UST: variants seen among roughly 807,000 people sequenced by gnomAD.
UST encodes the protein uronyl 2-sulfotransferase, also known as chondroitin sulfate 2-O-sulfotransferase.
A neutral mutation model predicts 45.6 loss-of-function variants in UST; 21 were observed. That is an observed-to-expected ratio of 0.46 (90% CI 0.33 to 0.66). The LOEUF (loss-of-function observed/expected upper bound fraction) is 0.66, where lower values mean the gene tolerates loss of function less well. Among genes scored for constraint, UST ranks in the 30% least tolerant of loss-of-function variants. The pLI is 0.02. For missense variants in UST, 463 were observed against 512.4 expected (o/e 0.90, Z 0.93); for synonymous variants, 215 against 200.6 (o/e 1.07, Z -0.61).
chr6:148,776,454 G>T (rs1776536784), intron 1 of UST, among the ~76,000 whole-genome samples: 1 of 152,296 alleles, frequency 6.6e-6, no homozygotes, highest in Non-Finnish European at 1.5e-5. Context: ...TTATTGTGAT[G>T]ACCAGTTTTG....
intron 5 of UST, among the ~76,000 whole-genome samples, chr6:149,016,052 C>T (rs62426149): frequency 0.041 from 6,309 of 152,260 alleles, 167 homozygotes; most frequent in Non-Finnish European, 0.06. Flanking sequence ...CCTGGGGCTT[C>T]TCAGCTCATT....
chr6:148,992,352 A>G (rs1781370660), intron 5 of UST, among the ~76,000 whole-genome samples: 2 of 152,130 alleles, frequency 1.3e-5, no homozygotes, highest in Admixed American at 1.3e-4. Flanking sequence ...AAAATACAAA[A>G]AAAATTAGCC....
At chr6:148,930,195 C>G (rs1779894140) in intron 2 of UST, among the ~76,000 whole-genome samples, 1 of 152,210 alleles carries the variant, frequency 6.6e-6, no homozygotes, top group South Asian at 2.1e-4. Context: ...GCGCTTACCA[C>G]ATGGTATCAG....
At chr6:148,779,594 G>A (rs1006505028) in intron 1 of UST, among the ~76,000 whole-genome samples, 1 of 152,216 alleles carries the variant, frequency 6.6e-6, no homozygotes, top group Non-Finnish European at 1.5e-5. Flanking sequence ...TCCACGGGAT[G>A]TCGTAAGGAC....
chr6:148,793,674 C>T (rs183355654), intron 1 of UST, among the ~76,000 whole-genome samples: 229 of 152,280 alleles, frequency 1.5e-3, no homozygotes, highest in African/African-American at 5.3e-3. Context: ...ACTTTTTCAG[C>T]TCCATTATCA....
chr6:148,894,658 T>G (rs1007739351), intron 2 of UST, among the ~76,000 whole-genome samples: 3 of 152,312 alleles, frequency 2.0e-5, no homozygotes, highest in South Asian at 2.1e-4. Flanking sequence ...TTTGTGGTAC[T>G]TTGTTACAGC....
chr6:148,799,543 A>G (rs1777017301), intron 1 of UST, among the ~76,000 whole-genome samples: 2 of 152,076 alleles, frequency 1.3e-5, no homozygotes, highest in African/African-American at 4.8e-5. Flanking sequence ...CAGGGAATGT[A>G]TTTGCATCCC....
intron 1 of UST, among the ~76,000 whole-genome samples, chr6:148,801,909 G>A (rs1030995613): frequency 6.6e-6 from 1 of 152,134 alleles, no homozygotes; most frequent in African/African-American, 2.4e-5. Flanking sequence ...TGAAGATTTG[G>A]GTTAAAGTAC....
At chr6:148,930,556 G>A (rs1258114048) in intron 2 of UST, among the ~76,000 whole-genome samples, 1 of 152,186 alleles carries the variant, frequency 6.6e-6, no homozygotes, top group Non-Finnish European at 1.5e-5. Flanking sequence ...CTTCCTGGAA[G>A]CTAGCCTAAG....
At chr6:149,072,460 C>A (rs1481986116) in intron 7 of UST, among the ~76,000 whole-genome samples, 4 of 151,984 alleles carry the variant, frequency 2.6e-5, no homozygotes, top group African/African-American at 9.7e-5. Flanking sequence ...TCGAGACCAG[C>A]CTGACCAACA....
chr6:148,858,198 G>A (rs2114795852), intron 1 of UST, among the ~76,000 whole-genome samples: 1 of 152,284 alleles, frequency 6.6e-6, no homozygotes, highest in African/African-American at 2.4e-5. Context: ...TGCAAGCTGA[G>A]GAACAGGGAA....
In UST at chr6:148,801,505, T is replaced by A. The variant is rs539827791; in HGVS notation, c.247+53828T>A. Among the ~76,000 whole-genome samples the A allele has an allele frequency of 1.4e-3, 208 of 152,308 alleles. 1 individual carries two copies. The highest frequency in any genetic ancestry group is 4.8e-3 in the African/African-American group (199 of 41,570). ...ATTTTTCTTTTTTCTTTCTTTCTTT[T>A]TCTACCCAGAGCCCATAATGAGGCC... On this transcript the variant is annotated intron_variant, in intron 1 of 7. Coordinates refer to ENST00000367463, the MANE Select transcript of UST (RefSeq NM_005715.3).
intron 1 of UST, among the ~76,000 whole-genome samples, chr6:148,828,430 T>C (rs1777613816): frequency 6.6e-6 from 1 of 152,116 alleles, no homozygotes; most frequent in Non-Finnish European, 1.5e-5. Flanking sequence ...AGTATAATAT[T>C]TTGGGAAAAT....
At chr6:149,070,192 A>G (rs1776798858) in intron 7 of UST, among the ~76,000 whole-genome samples, 2 of 152,214 alleles carry the variant, frequency 1.3e-5, no homozygotes, top group Admixed American at 6.5e-5. Context: ...GAGGCTTTCA[A>G]TGAGAGAATT....
At chr6:148,779,475 G>A (rs1171209158) in intron 1 of UST, among the ~76,000 whole-genome samples, 1 of 152,212 alleles carries the variant, frequency 6.6e-6, no homozygotes, top group African/African-American at 2.4e-5. Flanking sequence ...TGACACCCAT[G>A]AACTTGCTGA....
At chr6:149,036,571 A>T (rs1007341280) in intron 7 of UST, among the ~76,000 whole-genome samples, 15 of 152,208 alleles carry the variant, frequency 9.9e-5, no homozygotes, top group African/African-American at 3.6e-4. Flanking sequence ...GGAATGTTCT[A>T]ACTACCTGAA....
rs557830929 is a variant in UST, at chr6:148,974,620, C to T, written c.681+10057C>T. Among the ~76,000 whole-genome samples the T allele has an allele frequency of 3.9e-5, 6 of 152,288 alleles. No individual in the cohort carries two copies. The South Asian group carries it at 1.2e-3, about 32-fold the overall frequency. On this transcript the variant is annotated intron_variant, in intron 5 of 7. Coordinates refer to ENST00000367463, the MANE Select transcript of UST (RefSeq NM_005715.3). ...ATCACACAGCCTCTAGAACAAACCG[C>T]TTTTTCTCTGATCCTAAACCCATGC...
chr6:148,867,768 T>G (rs1449656271), intron 1 of UST, among the ~76,000 whole-genome samples: 2 of 152,200 alleles, frequency 1.3e-5, no homozygotes, highest in Non-Finnish European at 2.9e-5. Context: ...CTTTATAAAT[T>G]ATCCAGTCTC....
intron 2 of UST, among the ~76,000 whole-genome samples, chr6:148,907,738 A>G (rs1352456043): frequency 1.3e-5 from 2 of 152,190 alleles, no homozygotes; most frequent in African/African-American, 4.8e-5. Context: ...TGCAATACGT[A>G]CAGAGCCCTA....
Sources: allele counts gnomAD v4.1 joint callset (sites outside exome capture counted in the v4.1 genomes callset), GRCh38; gene constraint gnomAD v4.1.1; transcripts MANE v1.5; gene names NCBI Gene and HGNC (gene_info 2026-07-23, HGNC 2026-07-21).